SV2B: variants seen among roughly 807,000 people sequenced by gnomAD.
SV2B encodes the protein solute carrier family 22 member B2.
Under a neutral mutation model 73.9 loss-of-function variants are expected in SV2B, and 41 were observed. That is an observed-to-expected ratio of 0.56 (90% confidence interval 0.43 to 0.72). The LOEUF (loss-of-function observed/expected upper bound fraction) is 0.72. SV2B is among the 30% of genes least tolerant of loss of function. The pLI, the probability that SV2B is intolerant of heterozygous loss-of-function variation, is 0.00. For missense variants in SV2B, 764 were observed against 857.8 expected, an observed-to-expected ratio of 0.89 and a Z score of 1.37; for synonymous variants, 314 against 314.2, an observed-to-expected ratio of 1.00 and a Z score of 0.01.
At chr15:91,257,016 A>G (rs2047720764) in intron 4 of SV2B, among the ~76,000 whole-genome samples, 1 of 152,210 alleles carries the variant, frequency 6.6e-6, no homozygotes, top group Non-Finnish European at 1.5e-5. Flanking sequence ...ATAAATTGAT[A>G]TATTTATTTA....
At position 91,292,415 on chromosome 15, in the gene SV2B, A is replaced by G. The variant is rs781772394; in HGVS notation, c.1915A>G (p.Ile639Val). ...CAATGGATTATGCAAATTTGGCGCC[A>G]TCCTGGGAAACACCATCTTTGCTTC... ...ILNGLCKFGA[I>V]LGNTIFASFV... The change falls in exon 13 of 13, where the codon ATC (isoleucine) becomes GTC (valine). Residue 639 changes from isoleucine to valine, a missense_variant. By Grantham distance (29) the Ile-to-Val change is conservative. Transcript: ENST00000394232. 6.2e-7 allele frequency: 1 copy of G among 1,614,186 alleles called. No homozygotes were observed. The highest frequency in any genetic ancestry group is 2.2e-5 in the East Asian group (1 of 44,878).
chr15:91,257,263 C>G (rs2047730815), intron 4 of SV2B, among the ~76,000 whole-genome samples: 1 of 152,166 alleles, frequency 6.6e-6, no homozygotes, highest in South Asian at 2.1e-4. Flanking sequence ...TAGGAGCGTT[C>G]ACACATGACA....
intron 2 of SV2B, among the ~76,000 whole-genome samples, chr15:91,249,121 G>T (rs2047380131): frequency 7.0e-6 from 1 of 143,208 alleles, no homozygotes; most frequent in African/African-American, 2.7e-5. Flanking sequence ...TTTATGATCT[G>T]GCTTCTGTCC....
In SV2B at chr15:91,252,507, C is replaced by A; in HGVS notation, c.771C>A (p.Ile257=). 2 of 1,610,020 alleles carry A rather than the reference C, an allele frequency of 1.2e-6. No homozygotes were observed. The highest frequency in any genetic ancestry group is 1.7e-6 in the Non-Finnish European group (2 of 1,178,038). ...ACGCATCTGCCATGGCCTGGAGCAT[C>A]ATCCCACACTATGGTGAGTCATGGC... ...GLYASAMAWS[I]IPHYGWGFSM... The change falls in exon 4 of 13, where the codon ATC becomes ATA. Residue 257 remains isoleucine, a synonymous_variant. Coordinates refer to ENST00000394232, the MANE Select transcript of SV2B (RefSeq NM_001323032.3). This position sits in a 1 kb window ranked among gnomAD's most constrained non-coding sequence, Gnocchi z 4.6.
chr15:91,198,541 T>C (rs933184674), intron 1 of SV2B, among the ~76,000 whole-genome samples: 2 of 151,812 alleles, frequency 1.3e-5, no homozygotes, highest in African/African-American at 4.8e-5. Context: ...TGAGCACATT[T>C]GTTAAAATGG....
chr15:91,146,730 C>A (rs994029771), intron 1 of SV2B, among the ~76,000 whole-genome samples: 1 of 152,150 alleles, frequency 6.6e-6, no homozygotes. Context: ...CCAGGGACTA[C>A]AGTATAAAAA....
At position 91,124,600 on chromosome 15, in the gene SV2B, A is replaced by G. The variant is rs749105635; in HGVS notation, c.-392+24237A>G. On this transcript the variant is annotated intron_variant, in intron 1 of 12. Coordinates refer to ENST00000394232, the MANE Select transcript of SV2B (RefSeq NM_001323032.3). The surrounding 1 kb of genome is among the most constrained non-coding windows in gnomAD (Gnocchi z 4.6). Reference sequence around the variant, plus strand: ...AGACTATTCATTTGCTGGGGCTGCTATAACAAAACACCATGGAACGGGTGA... The same window carrying G: ...AGACTATTCATTTGCTGGGGCTGCTGTAACAAAACACCATGGAACGGGTGA... Among the ~76,000 whole-genome samples the G allele has an allele frequency of 2.6e-5, 4 of 152,202 alleles. No individual in the cohort carries two copies. The highest frequency in any genetic ancestry group is 9.6e-5 in the African/African-American group (4 of 41,466).
At chr15:91,163,662 T>A (rs1280633213) in intron 1 of SV2B, among the ~76,000 whole-genome samples, 1 of 152,256 alleles carries the variant, frequency 6.6e-6, no homozygotes, top group Non-Finnish European at 1.5e-5. Context: ...TTCTGGACAT[T>A]AGCCCTTGTC....
chr15:91,218,526 A>G (rs1346744458), intron 1 of SV2B, among the ~76,000 whole-genome samples: 1 of 152,184 alleles, frequency 6.6e-6, no homozygotes, highest in East Asian at 1.9e-4. Flanking sequence ...AAGCTGACAC[A>G]TATGAATATC....
At position 91,224,558 on chromosome 15, in the gene SV2B, C is replaced by T. The variant is rs553562352; in HGVS notation, c.-391-1315C>T. Among the ~76,000 whole-genome samples, 137 of 152,230 alleles carry T rather than the reference C, an allele frequency of 9.0e-4. 1 individual carries two copies. Among genetic ancestry groups the T allele is most frequent in the Non-Finnish European group, 1.6e-3 (106 of 68,008 alleles). The stretch of plus-strand genomic sequence containing the variant: ...GCTCTGGGAATCTGTATTTTTAAAG[C>T]TCCCCAGGTGATTTAATGTGACAGT... On this transcript the variant is annotated intron_variant, in intron 1 of 12. Coordinates refer to ENST00000394232, the MANE Select transcript of SV2B (RefSeq NM_001323032.3). The surrounding 1 kb of genome is among the most constrained non-coding windows in gnomAD (Gnocchi z 4.9).
chr15:91,186,074 A>C (rs1018922936), intron 1 of SV2B, among the ~76,000 whole-genome samples: 1 of 152,182 alleles, frequency 6.6e-6, no homozygotes, highest in Non-Finnish European at 1.5e-5. Flanking sequence ...CAATGGTATT[A>C]TTCTTCTCTG....
chr15:91,260,520 G>T (rs1052903472), intron 6 of SV2B, 111 bp downstream of exon 6: 16 of 722,580 alleles, frequency 2.2e-5, no homozygotes, highest in Non-Finnish European at 3.5e-5. Context: ...GGAGAACAAA[G>T]ACTCTGATAT....
Position 91,258,215 on chromosome 15 carries a change from A to G in SV2B, c.785-206A>G, listed in dbSNP as rs1447679248. 1.3e-5 allele frequency among the ~76,000 whole-genome samples: 2 copies of G among 152,192 alleles called. No individual in the cohort carries two copies. Among genetic ancestry groups the G allele is most frequent in the Admixed American group, 6.5e-5 (1 of 15,282 alleles). On this transcript the variant is annotated intron_variant, in intron 4 of 12. Coordinates refer to ENST00000394232, the MANE Select transcript of SV2B (RefSeq NM_001323032.3). The surrounding 1 kb of genome is among the most constrained non-coding windows in gnomAD (Gnocchi z 4.7). Reference sequence around the variant, plus strand: ...CAGAATTTGCAATGTGAGAAATATCATTTTGCAGATTTGTCAAGATGCAGC... The same window carrying G: ...CAGAATTTGCAATGTGAGAAATATCGTTTTGCAGATTTGTCAAGATGCAGC...
Position 91,137,594 on chromosome 15 carries a change from T to TATATATGTATTTC in SV2B, c.-392+37237_-392+37238insGTATTTCATATAT, listed in dbSNP as rs1464411742. 1.3e-5 allele frequency among the ~76,000 whole-genome samples: 1 copy of TATATATGTATTTC among 75,204 alleles called. No homozygotes were observed. The highest frequency in any genetic ancestry group is 3.8e-5 in the African/African-American group (1 of 26,642). The allele number at this position is 75,204 out of a possible 152,430, so 49.3% of individuals were successfully genotyped here. On this transcript the variant is annotated intron_variant, in intron 1 of 12. Transcript: ENST00000394232. This position sits in a 1 kb window ranked among gnomAD's most constrained non-coding sequence, Gnocchi z 4.9. Reference sequence around the variant, plus strand: ...AATATATATATATATATTTCTCATATATATATATATTTCATATATATATTT... The same window carrying TATATATGTATTTC: ...AATATATATATATATATTTCTCATATATATATGTATTTCATATATATATTTCATATATATATTT...
chr15:91,270,566 A>T (rs973899668), intron 9 of SV2B, among the ~76,000 whole-genome samples: 1 of 152,240 alleles, frequency 6.6e-6, no homozygotes, highest in African/African-American at 2.4e-5. Context: ...GCTGTTTTAC[A>T]TGATACTTTC....
Position 91,197,671 on chromosome 15 carries a change from A to C in SV2B, c.-391-28202A>C, listed in dbSNP as rs910648920. ...TCAGCTACATTAATTACAACTCCATACATGTTACAGCAAAATCTCTAAAAT... is the reference window on the plus strand; with the variant it reads ...TCAGCTACATTAATTACAACTCCATCCATGTTACAGCAAAATCTCTAAAAT... On this transcript the variant is annotated intron_variant, in intron 1 of 12. Coordinates refer to ENST00000394232, the MANE Select transcript of SV2B (RefSeq NM_001323032.3). This position sits in a 1 kb window ranked among gnomAD's most constrained non-coding sequence, Gnocchi z 4.9. Among the ~76,000 whole-genome samples the C allele has an allele frequency of 6.6e-6, 1 of 152,232 alleles. No homozygotes were observed. Among genetic ancestry groups the C allele is most frequent in the Non-Finnish European group, 1.5e-5 (1 of 68,038 alleles).
At chr15:91,134,573 A>C (rs1239807796) in intron 1 of SV2B, among the ~76,000 whole-genome samples, 1 of 152,208 alleles carries the variant, frequency 6.6e-6, no homozygotes, top group Admixed American at 6.5e-5. Context: ...TGTCTGGAGC[A>C]ACTTGGGAAG....
At chr15:91,285,955 G>A (rs1036213116) in intron 11 of SV2B, among the ~76,000 whole-genome samples, 6 of 152,282 alleles carry the variant, frequency 3.9e-5, no homozygotes, top group East Asian at 1.9e-4. Flanking sequence ...GAAGCCCTTC[G>A]TATCATCGTG....
At chr15:91,205,347 A>T (rs974745521) in intron 1 of SV2B, among the ~76,000 whole-genome samples, 6 of 151,894 alleles carry the variant, frequency 4.0e-5, no homozygotes, top group African/African-American at 1.5e-4. Flanking sequence ...GCAAAAATGG[A>T]GGTGCTGAAT....
Sources: allele counts gnomAD v4.1 joint callset (sites outside exome capture counted in the v4.1 genomes callset), GRCh38; gene constraint gnomAD v4.1.1; non-coding constraint Gnocchi (gnomAD v3.1); transcripts MANE v1.5; gene names NCBI Gene and HGNC (gene_info 2026-07-23, HGNC 2026-07-21).